Variants in TBC1D5 observed in about 807,000 individuals in gnomAD.
TBC1D5 encodes the protein TBC1 domain family, member 5.
Under a neutral mutation model 100.3 loss-of-function variants are expected in TBC1D5, and 75 were observed. The observed-to-expected ratio is 0.75, with a 90% CI of 0.62 to 0.91. The LOEUF (loss-of-function observed/expected upper bound fraction) is 0.91. TBC1D5 is among the 40% of genes least tolerant of loss of function. The probability of loss-of-function intolerance (pLI) is 0.00; values close to 1 mark genes in which losing one functional copy is unlikely to be tolerated. For synonymous variants in TBC1D5, 323 were observed against 325.6 expected (o/e 0.99, Z 0.09); for missense variants, 910 against 942.4 (o/e 0.97, Z 0.45).
At chr3:17,298,906 G>C (rs2082528975) in intron 14 of TBC1D5, among the ~76,000 whole-genome samples, 1 of 152,128 alleles carries the variant, frequency 6.6e-6, no homozygotes, top group Non-Finnish European at 1.5e-5. Context: ...GATGTGTTCT[G>C]AGACCCCCAG....
intron 14 of TBC1D5, among the ~76,000 whole-genome samples, chr3:17,307,369 A>G (rs1575238086): frequency 1.3e-5 from 2 of 152,208 alleles, no homozygotes; most frequent in African/African-American, 2.4e-5. Flanking sequence ...GAAATTTAAA[A>G]TACACACCGA....
exon 22 of TBC1D5, chr3:17,157,797 A>G (rs1482190807): frequency 6.6e-6 from 1 of 152,244 alleles, no homozygotes; most frequent in Non-Finnish European, 1.5e-5. Flanking sequence ...ACAGAGTTTG[A>G]TATTTGTTCA....
At chr3:17,701,483 A>AT (rs1458314934) in intron 1 of TBC1D5, among the ~76,000 whole-genome samples, 5 of 152,084 alleles carry the variant, frequency 3.3e-5, no homozygotes, top group African/African-American at 4.8e-5. Context: ...AATAATAATA[A>AT]AAAAAAGTCT....
chr3:17,276,029 C>T (rs2079967522), intron 15 of TBC1D5, among the ~76,000 whole-genome samples: 3 of 152,108 alleles, frequency 2.0e-5, no homozygotes, highest in Admixed American at 1.3e-4. Context: ...ATGATGTGGC[C>T]TCCCATGTCT....
At position 17,693,641 on chromosome 3, in the gene TBC1D5, T is replaced by A. The variant is rs563819656; in HGVS notation, c.-101+45702A>T. 2.4e-3 allele frequency among the ~76,000 whole-genome samples: 368 copies of A among 152,282 alleles called. 2 individuals are homozygous for A. The highest frequency in any genetic ancestry group is 4.5e-3 in the Non-Finnish European group (303 of 68,018). ...CACCCTGCAGCCGCTAGACTCCACC[T>A]CCGTACACAGGCCTTAGCTGGACAA... On this transcript the variant is annotated intron_variant, in intron 1 of 21. Transcript: ENST00000253692.
At chr3:17,424,143 G>A (rs1368655626) in intron 4 of TBC1D5, among the ~76,000 whole-genome samples, 1 of 152,086 alleles carries the variant, frequency 6.6e-6, no homozygotes, top group Non-Finnish European at 1.5e-5. Flanking sequence ...TAGAAACATA[G>A]GGTAATAAAA....
At chr3:17,659,064 T>A (rs2066396306) in intron 1 of TBC1D5, among the ~76,000 whole-genome samples, 2 of 152,052 alleles carry the variant, frequency 1.3e-5, no homozygotes, top group African/African-American at 4.8e-5. Flanking sequence ...AAATGTTCCC[T>A]CCCATGACTG....
At chr3:17,715,540 C>T (rs536221924) in intron 1 of TBC1D5, among the ~76,000 whole-genome samples, 148 of 152,290 alleles carry the variant, frequency 9.7e-4, no homozygotes, top group African/African-American at 3.4e-3. Flanking sequence ...CATGGTGGCT[C>T]ACACCTGTCA....
intron 2 of TBC1D5, among the ~76,000 whole-genome samples, chr3:17,588,499 A>ACTGCCCT (rs1429971488): frequency 6.6e-6 from 1 of 152,134 alleles, no homozygotes; most frequent in East Asian, 1.9e-4. Context: ...TCAGTGTATA[A>ACTGCCCT]GTTACTGCTG....
chr3:17,208,436 G>A (rs1239125789), intron 18 of TBC1D5, among the ~76,000 whole-genome samples: 1 of 152,258 alleles, frequency 6.6e-6, no homozygotes, highest in Non-Finnish European at 1.5e-5. Context: ...AGATCATAGG[G>A]ACAAGGAGGC....
intron 3 of TBC1D5, among the ~76,000 whole-genome samples, chr3:17,498,800 A>G (rs1255096255): frequency 3.9e-5 from 6 of 152,186 alleles, no homozygotes; most frequent in Non-Finnish European, 5.9e-5. Context: ...AAATATCTAC[A>G]TGTAGTGTTA....
chr3:17,606,414 T>C (rs2061337655), intron 2 of TBC1D5, among the ~76,000 whole-genome samples: 1 of 152,118 alleles, frequency 6.6e-6, no homozygotes, highest in Non-Finnish European at 1.5e-5. Context: ...TGCACTGCAC[T>C]CCAGTCTGGG....
chr3:17,601,898 C>T (rs1408900953), intron 2 of TBC1D5, among the ~76,000 whole-genome samples: 1 of 152,040 alleles, frequency 6.6e-6, no homozygotes, highest in Non-Finnish European at 1.5e-5. Context: ...GGCGCGATCT[C>T]GGCTCACTGC....
rs1439256743 is a variant in TBC1D5, at chr3:17,463,541, T to C, written c.98-35022A>G. On this transcript the variant is annotated intron_variant, in intron 3 of 21. Coordinates refer to ENST00000253692, the Ensembl canonical transcript of TBC1D5. ...CTGGTGCTTAACCTTGGGCATACCA[T>C]TTAAGGGGGTGCTCAAAACTAAGTA... Among the ~76,000 whole-genome samples, 8 of 152,318 alleles carry C rather than the reference T, an allele frequency of 5.3e-5. No homozygotes were observed. The South Asian group carries it at 6.2e-4, about 12-fold the overall frequency.
At chr3:17,649,899 T>C (rs2065374093) in intron 1 of TBC1D5, among the ~76,000 whole-genome samples, 1 of 152,102 alleles carries the variant, frequency 6.6e-6, no homozygotes, top group East Asian at 1.9e-4. Context: ...AACCCAAATG[T>C]CCATCAATGA....
intron 1 of TBC1D5, among the ~76,000 whole-genome samples, chr3:17,693,345 A>T (rs1239541584): frequency 1.3e-5 from 2 of 152,224 alleles, no homozygotes; most frequent in Non-Finnish European, 1.5e-5. Flanking sequence ...AAGCCGTGAC[A>T]GACTGTACCT....
intron 21 of TBC1D5, 123 bp downstream of exon 22, chr3:17,166,644 G>A (rs1417556152): frequency 1.9e-5 from 26 of 1,346,222 alleles, no homozygotes; most frequent in East Asian, 9.5e-5. Context: ...CAGCACCTCC[G>A]CAGTTGAACT....
chr3:17,349,631 A>C (rs1271834557), intron 13 of TBC1D5, among the ~76,000 whole-genome samples: 1 of 152,190 alleles, frequency 6.6e-6, no homozygotes, highest in East Asian at 1.9e-4. Flanking sequence ...GGGGTTCCTA[A>C]AAATAAATAA....
chr3:17,318,607 C>T (rs960399773), intron 13 of TBC1D5, among the ~76,000 whole-genome samples: 5 of 152,192 alleles, frequency 3.3e-5, no homozygotes, highest in Non-Finnish European at 7.3e-5. Flanking sequence ...AACAAAGGAA[C>T]ATGGCGCAAC....
Sources: allele counts gnomAD v4.1 joint callset (sites outside exome capture counted in the v4.1 genomes callset), GRCh38; gene constraint gnomAD v4.1.1; transcripts MANE v1.5; gene names NCBI Gene and HGNC (gene_info 2026-07-23, HGNC 2026-07-21).